Variants in SHC2 observed in about 807,000 individuals in gnomAD.
SHC2 encodes SHC-transforming protein 2.
SHC2 carries 62 observed loss-of-function variants against 60.6 expected under a neutral mutation model. The ratio of observed to expected loss-of-function variants is 1.02; its 90% CI spans 0.83 to 1.26. The LOEUF (loss-of-function observed/expected upper bound fraction) is 1.26. SHC2 is among the 50% of genes most tolerant of loss of function. The pLI is 0.00. For missense variants in SHC2, 873 were observed against 822.2 expected (o/e 1.06, Z -0.76); for synonymous variants, 375 against 372.4 (o/e 1.01, Z -0.08).
rs1286280633 is a variant in SHC2 at position 424,281 on chromosome 19, C to T, written c.1309+816G>A. On this transcript the variant is annotated intron_variant, in intron 10 of 12. Transcript: ENST00000264554. This position sits in a 1 kb window ranked among gnomAD's most constrained non-coding sequence, Gnocchi z 4.5. ...GGGTCATCCACGGGGAAGGAAGGAA[C>T]GGGCTCACCGTCAGACTAGCCACTT... Among the ~76,000 whole-genome samples the T allele has an allele frequency of 6.6e-6, 1 of 152,300 alleles. No homozygotes were observed. The highest frequency in any genetic ancestry group is 1.9e-4 in the East Asian group (1 of 5,170).
In SHC2 at chr19:424,715, G is replaced by T. The variant is rs1006430412; in HGVS notation, c.1309+382C>A. 4.6e-5 allele frequency among the ~76,000 whole-genome samples: 7 copies of T among 152,180 alleles called. No homozygotes were observed. The highest frequency in any genetic ancestry group is 1.0e-4 in the Non-Finnish European group (7 of 68,020). ...GGTGGGTTACCCCCGAGAGAGTGGA[G>T]CTTCTCACAGAGCGGGGGCCAGCGG... On this transcript the variant is annotated intron_variant, in intron 10 of 12. Coordinates refer to ENST00000264554, the MANE Select transcript of SHC2 (RefSeq NM_012435.3). This position sits in a 1 kb window ranked among gnomAD's most constrained non-coding sequence, Gnocchi z 4.5.
chr19:434,277 A>C (rs201196186), intron 8 of SHC2, among the ~76,000 whole-genome samples: 3,599 of 40,500 alleles, frequency 0.089, 198 homozygotes, highest in East Asian at 0.42. Flanking sequence ...CATGAGTGAG[A>C]TCATGAGTGA....
chr19:451,918 G>A (rs1362065455), intron 1 of SHC2, among the ~76,000 whole-genome samples: 1 of 152,128 alleles, frequency 6.6e-6, no homozygotes, highest in African/African-American at 2.4e-5. Context: ...ATACAAGTTG[G>A]ACTAAAATAG....
At position 436,147 on chromosome 19, in the gene SHC2, G is replaced by T. The variant is rs749470950; in HGVS notation, c.953+18C>A. 1.2e-6 allele frequency: 2 copies of T among 1,610,160 alleles called. No homozygotes were observed. Among genetic ancestry groups the T allele is most frequent in the Non-Finnish European group, 8.5e-7 (1 of 1,178,746 alleles). On this transcript the variant is annotated intron_variant, in intron 7 of 12. Transcript: ENST00000264554. ...ACTGGGGGTGTCCCCAGGGCACGGG[G>T]GAGGCAGCTCTGGTTACCTTTCTGG...
At position 460,660 on chromosome 19, in the gene SHC2, C is replaced by T. The variant is rs1490121002; in HGVS notation, c.337G>A (p.Ala113Thr). The T allele has an allele frequency of 1.8e-6, 2 of 1,137,094 alleles. No homozygotes were observed. Among genetic ancestry groups the T allele is most frequent in the South Asian group, 3.5e-5 (1 of 28,484 alleles). The allele number at this position is 1,137,094 out of a possible 1,614,324, so 70.4% of individuals were successfully genotyped here. A position where few individuals can be genotyped will look rare whatever the true frequency, so the allele number is the denominator to read the frequency against. The change falls in exon 1 of 13, where the codon GCG becomes ACG. Residue 113 changes from alanine (A) to threonine (T), a missense_variant. By Grantham distance (58) the Ala-to-Thr change is moderately conservative. Coordinates refer to ENST00000264554, the MANE Select transcript of SHC2 (RefSeq NM_012435.3). The stretch of plus-strand genomic sequence containing the variant: ...GCGGCGGCGTCCCCGGACCCCGCCG[C>T]CCCCCGCCCGCCCCGCGACCCCCGC... ...GSRGSRGGRGAAGSGDAAAAA... is the reference protein window; with the variant it reads ...GSRGSRGGRGTAGSGDAAAAA...
At chr19:437,235 CGAGCTCATCTGCGTGCTCGTT>C (rs2145721382) in intron 4 of SHC2, among the ~76,000 whole-genome samples, 1 of 151,996 alleles carries the variant, frequency 6.6e-6, no homozygotes, top group Admixed American at 6.6e-5. Flanking sequence ...TGCTCGTTTG[CGAGCTCATCTGCGTGCTCGTT>C]TGCGTGCTCG....
rs560790632 is a variant in SHC2, at chr19:429,891, A to G, written c.1174+793T>C. 2.5e-4 allele frequency among the ~76,000 whole-genome samples: 38 copies of G among 150,730 alleles called. 1 individual carries two copies. The highest frequency in any genetic ancestry group is 2.1e-3 in the Admixed American group (32 of 15,148). Reference sequence around the variant, plus strand: ...GTGGATGACGCAGTACCTATATCCAACGTGCAGAGAAACCTAATACCGTGT... The same window carrying G: ...GTGGATGACGCAGTACCTATATCCAGCGTGCAGAGAAACCTAATACCGTGT... On this transcript the variant is annotated intron_variant, in intron 9 of 12. Coordinates refer to ENST00000264554, the MANE Select transcript of SHC2 (RefSeq NM_012435.3).
rs1974864378 is a variant in SHC2, at chr19:441,393, T to C, written c.469-461A>G. 6.6e-6 allele frequency: 1 copy of C among 152,652 alleles called. No individual in the cohort carries two copies. Among genetic ancestry groups the C allele is most frequent in the Admixed American group, 6.5e-5 (1 of 15,274 alleles). 9.5% of individuals were successfully genotyped at this position (152,652 alleles called of 1,614,324 possible). A position where few individuals can be genotyped will look rare whatever the true frequency, so the allele number is the denominator to read the frequency against. On this transcript the variant is annotated intron_variant, in intron 1 of 12. Coordinates refer to ENST00000264554, the MANE Select transcript of SHC2 (RefSeq NM_012435.3). The surrounding 1 kb of genome is among the most constrained non-coding windows in gnomAD (Gnocchi z 4.9). ...GCTGGCCTCGCCCTCCACAGGAAGTTTGCGGGCTTCTGGCCCAGACAGCTG... is the reference window on the plus strand; with the variant it reads ...GCTGGCCTCGCCCTCCACAGGAAGTCTGCGGGCTTCTGGCCCAGACAGCTG...
Position 446,964 on chromosome 19 carries a change from G to A in SHC2, c.469-6032C>T, listed in dbSNP as rs1975068157. ...CCAGCCACCGGGACCCACCTCATAG[G>A]CTTTGCCATGGTCTGTATCGATGTC... On this transcript the variant is annotated intron_variant, in intron 1 of 12. Transcript: ENST00000264554. The surrounding 1 kb of genome is among the most constrained non-coding windows in gnomAD (Gnocchi z 5.4). 6.6e-6 allele frequency among the ~76,000 whole-genome samples: 1 copy of A among 152,180 alleles called. No homozygotes were observed.
chr19:460,549 C>T lies in SHC2; in HGVS notation c.448G>A (p.Gly150Arg). ...CTCACCCGCACGACGTAGGAGACCCCGGGCCCCAGGACCCTGGCGTCGGGG... is the reference window on the plus strand; with the variant it reads ...CTCACCCGCACGACGTAGGAGACCCTGGGCCCCAGGACCCTGGCGTCGGGG... ...LHPDARVLGPGVSYVVRYMGC... is the reference protein window; with the variant it reads ...LHPDARVLGPRVSYVVRYMGC... The change falls in exon 1 of 13, where the codon GGG (glycine) becomes AGG (arginine). Residue 150 changes from glycine to arginine, a missense_variant. Coordinates refer to ENST00000264554, the MANE Select transcript of SHC2 (RefSeq NM_012435.3). 6 of 1,404,494 alleles carry T rather than the reference C, an allele frequency of 4.3e-6. No individual in the cohort carries two copies. The highest frequency in any genetic ancestry group is 1.5e-5 in the South Asian group (1 of 68,556). 87.0% of individuals were successfully genotyped at this position (1,404,494 alleles called of 1,614,324 possible).
intron 1 of SHC2, among the ~76,000 whole-genome samples, chr19:459,865 C>T (rs1240574961): frequency 6.6e-6 from 1 of 152,206 alleles, no homozygotes; most frequent in African/African-American, 2.4e-5. Context: ...ATGCACGGCG[C>T]TGTCACCCCT....
chr19:417,005 G>C lies in SHC2; in HGVS notation c.*323C>G, dbSNP rs914770864. 1 of 152,800 alleles carries C rather than the reference G, an allele frequency of 6.5e-6. No individual in the cohort carries two copies. The highest frequency in any genetic ancestry group is 2.4e-5 in the African/African-American group (1 of 41,472). The allele number at this position is 152,800 out of a possible 1,614,324, so 9.5% of individuals were successfully genotyped here. ...TTAGACCGAACCAGCCAGGCGAGAG[G>C]GGGACCCAAGGGCCAGGGCTCCGAG... On this transcript the variant is annotated 3_prime_UTR_variant, in exon 13 of 13. Transcript: ENST00000264554.
At chr19:439,452 C>T (rs1016970057) in intron 2 of SHC2, 4 of 217,344 alleles carry the variant, frequency 1.8e-5, no homozygotes, top group Non-Finnish European at 3.6e-5. Context: ...ACGCGGGGTC[C>T]GTGTCGAGAT....
chr19:425,094 T>C lies in SHC2; in HGVS notation c.1309+3A>G. The C allele has an allele frequency of 7.2e-7, 1 of 1,393,154 alleles. No homozygotes were observed. Among genetic ancestry groups the C allele is most frequent in the South Asian group, 1.9e-5 (1 of 53,876 alleles). The allele number at this position is 1,393,154 out of a possible 1,614,324, so 86.3% of individuals were successfully genotyped here. ...GACGGCCGCCCCCCAGGCTGCCACA[T>C]ACGCATGTCAAACAGATCCTTTTTG... On this transcript the variant is annotated splice_donor_region_variant and intron_variant, in intron 10 of 12. Transcript: ENST00000264554. This position sits in a 1 kb window ranked among gnomAD's most constrained non-coding sequence, Gnocchi z 4.1.
rs1600294795 is a variant in SHC2 at position 436,194 on chromosome 19, G to A, written c.924C>T (p.Ser308=). The change falls in exon 7 of 13, where the codon AGC becomes AGT. Residue 308 remains serine (S), a synonymous_variant. Transcript: ENST00000264554. ...CTGGGGGCAGCGCCACCTTGGGCGG[G>A]CTGTGCAGGTACTGCTTGAAGCGCA... ...FELRFKQYLH[S]PPKVALPPER... The A allele has an allele frequency of 1.9e-6, 3 of 1,609,960 alleles. No individual in the cohort carries two copies. The highest frequency in any genetic ancestry group is 2.7e-5 in the African/African-American group (2 of 74,908).
chr19:458,490 GGGAAGCAGGTTCCGGGGAGGC>G (rs1975436003), intron 1 of SHC2, among the ~76,000 whole-genome samples: 1 of 124,630 alleles, frequency 8.0e-6, no homozygotes, highest in African/African-American at 2.9e-5. Context: ...CCGGGGGACG[GGGAAGCAGGTTCCGGGGAGGC>G]GGAAGCGGGT....
chr19:436,513 A>G (rs1231349141), intron 5 of SHC2, 82 bp from the exon 6 acceptor site: 1 of 1,584,342 alleles, frequency 6.3e-7, no homozygotes, highest in Non-Finnish European at 8.6e-7. Context: ...ATGCAGAGAG[A>G]TGGGGCAGTG....
rs1160211737 is a variant in SHC2 at position 446,476 on chromosome 19, A to C, written c.469-5544T>G. 2.0e-5 allele frequency among the ~76,000 whole-genome samples: 3 copies of C among 151,698 alleles called. No individual in the cohort carries two copies. The East Asian group carries it at 5.8e-4, about 29-fold the overall frequency. ...CAGGCGCCCACTACCACGCCCGGCT[A>C]ATTTTTGTATTTTTAGTAGAGACGG... On this transcript the variant is annotated intron_variant, in intron 1 of 12. Transcript: ENST00000264554. This position sits in a 1 kb window ranked among gnomAD's most constrained non-coding sequence, Gnocchi z 5.4.
intron 1 of SHC2, among the ~76,000 whole-genome samples, chr19:451,541 G>T (rs1358061702): frequency 6.6e-6 from 1 of 152,198 alleles, no homozygotes; most frequent in East Asian, 1.9e-4. Context: ...TTTCTGGGAG[G>T]TATATATCCA....
Sources: gnomAD v4.1 joint callset for allele counts (sites outside exome capture counted in the v4.1 genomes callset) on GRCh38, gnomAD v4.1.1 for gene constraint, Gnocchi (gnomAD v3.1) non-coding constraint, MANE v1.5 for transcripts, NCBI Gene and HGNC (gene_info 2026-07-23, HGNC 2026-07-21) for gene names.